The following DLG2 variants were observed in gnomAD, a reference collection of about 807,000 sequenced individuals.
DLG2 encodes discs large MAGUK scaffold protein 2, also known as disks large homolog 2.
Under a neutral mutation model 132.5 loss-of-function variants are expected in DLG2, and 45 were observed. That is an observed-to-expected ratio of 0.34 (90% confidence interval 0.27 to 0.44). The LOEUF is 0.44. Ranked by LOEUF, DLG2 falls within the 20% of genes least tolerant of loss-of-function variation. DLG2 has a pLI of 1.00. For missense variants in DLG2, 1,045 were observed against 1,196.9 expected, an observed-to-expected ratio of 0.87 and a Z score of 1.87; for synonymous variants, 424 against 419.6, an observed-to-expected ratio of 1.01 and a Z score of -0.13.
chr11:84,341,922 G>A (rs1446593964), intron 7 of DLG2, among the ~76,000 whole-genome samples: 5 of 152,160 alleles, frequency 3.3e-5, no homozygotes, highest in Non-Finnish European at 5.9e-5. Context: ...AACTCTGAAG[G>A]AATAACAATT....
intron 4 of DLG2, among the ~76,000 whole-genome samples, chr11:85,159,351 A>G (rs1026081484): frequency 4.6e-5 from 7 of 152,228 alleles, no homozygotes; most frequent in African/African-American, 1.7e-4. Context: ...GAACCTCCAC[A>G]TTGGCTCCAT....
At chr11:84,563,402 C>A (rs918062496) in intron 6 of DLG2, among the ~76,000 whole-genome samples, 1 of 152,148 alleles carries the variant, frequency 6.6e-6, no homozygotes, top group Non-Finnish European at 1.5e-5. Context: ...ATTTTTGAGG[C>A]CTCCTTCTAA....
chr11:85,354,123 G>A (rs1313308886), intron 3 of DLG2, among the ~76,000 whole-genome samples: 4 of 150,944 alleles, frequency 2.6e-5, no homozygotes, highest in South Asian at 2.1e-4. Flanking sequence ...CTCATCTTTC[G>A]TGCCCCACTA....
At chr11:85,114,668 C>A (rs753773892) in intron 5 of DLG2, among the ~76,000 whole-genome samples, 2 of 151,970 alleles carry the variant, frequency 1.3e-5, no homozygotes, top group African/African-American at 2.4e-5. Flanking sequence ...AGAATCTTGA[C>A]ATATTTCATT....
chr11:83,960,369 T>C (rs2088279292), intron 14 of DLG2, among the ~76,000 whole-genome samples: 1 of 152,118 alleles, frequency 6.6e-6, no homozygotes, highest in East Asian at 1.9e-4. Context: ...TGCTTGCTTC[T>C]GTTAGTAATT....
chr11:85,470,208 C>G (rs1287704360), intron 3 of DLG2, among the ~76,000 whole-genome samples: 1 of 146,644 alleles, frequency 6.8e-6, no homozygotes, highest in Non-Finnish European at 1.5e-5. Context: ...AATTAATCTA[C>G]TTGGTTTTTT....
chr11:84,543,496 ATGTT>A (rs2099383269), intron 6 of DLG2, among the ~76,000 whole-genome samples: 1 of 151,974 alleles, frequency 6.6e-6, no homozygotes, highest in African/African-American at 2.4e-5. Flanking sequence ...GATTCGCTGG[ATGTT>A]TGTCTCCTCC....
chr11:84,409,255 A>T (rs1231805713), intron 7 of DLG2, among the ~76,000 whole-genome samples: 2 of 152,182 alleles, frequency 1.3e-5, no homozygotes, highest in African/African-American at 2.4e-5. Context: ...AATTAGGATG[A>T]ATCACATGCA....
intron 7 of DLG2, among the ~76,000 whole-genome samples, chr11:84,517,233 T>A (rs1191192560): frequency 6.6e-6 from 1 of 151,194 alleles, no homozygotes; most frequent in Non-Finnish European, 1.5e-5. Flanking sequence ...TGAGAGAAAA[T>A]ATTTTCAAAC....
intron 9 of DLG2, among the ~76,000 whole-genome samples, chr11:84,119,542 T>C (rs1201274761): frequency 1.3e-5 from 2 of 151,932 alleles, no homozygotes; most frequent in African/African-American, 4.8e-5. Context: ...ACTTGTACAG[T>C]AAATAAGGGT....
At chr11:83,887,989 T>C (rs1009467830) in intron 15 of DLG2, among the ~76,000 whole-genome samples, 3 of 138,906 alleles carry the variant, frequency 2.2e-5, no homozygotes, top group Admixed American at 7.1e-5. Context: ...CCACAGCCAA[T>C]ATCATACTGA....
chr11:84,364,565 G>T (rs1008291537), intron 7 of DLG2, among the ~76,000 whole-genome samples: 2 of 152,178 alleles, frequency 1.3e-5, no homozygotes, highest in Admixed American at 1.3e-4. Context: ...GGAGTGGTGA[G>T]AGAGGACATC....
At chr11:84,866,398 G>A (rs1223942282) in intron 6 of DLG2, among the ~76,000 whole-genome samples, 1 of 152,194 alleles carries the variant, frequency 6.6e-6, no homozygotes, top group Admixed American at 6.5e-5. Context: ...CTTGTAGTAA[G>A]ATTTCACTTG....
At chr11:83,706,538 A>T (rs2084038737) in intron 18 of DLG2, among the ~76,000 whole-genome samples, 1 of 152,210 alleles carries the variant, frequency 6.6e-6, no homozygotes, top group Non-Finnish European at 1.5e-5. Context: ...GCAGTAATAT[A>T]TGCAGAGGCT....
At chr11:84,760,398 G>A (rs1345833174) in intron 6 of DLG2, among the ~76,000 whole-genome samples, 1 of 152,214 alleles carries the variant, frequency 6.6e-6, no homozygotes, top group African/African-American at 2.4e-5. Context: ...TAACCATTTA[G>A]TAAATTGGCT....
At chr11:84,818,700 T>C (rs1199276454) in intron 6 of DLG2, among the ~76,000 whole-genome samples, 2 of 151,910 alleles carry the variant, frequency 1.3e-5, no homozygotes, top group Non-Finnish European at 2.9e-5. Flanking sequence ...AAATTAGGTC[T>C]ATCTCTAGAG....
At chr11:84,486,161 T>C (rs1243193781) in intron 7 of DLG2, among the ~76,000 whole-genome samples, 6 of 152,136 alleles carry the variant, frequency 3.9e-5, no homozygotes, top group Non-Finnish European at 7.4e-5. Flanking sequence ...ATTGTCTTTG[T>C]CATGCCTTCC....
chr11:84,897,015 C>T (rs1590854304), intron 6 of DLG2, among the ~76,000 whole-genome samples: 1 of 151,876 alleles, frequency 6.6e-6, no homozygotes, highest in South Asian at 2.1e-4. Flanking sequence ...ACCAACCAAC[C>T]AGCTTAAGAA....
At chr11:84,025,693 A>C (rs911087596) in intron 11 of DLG2, among the ~76,000 whole-genome samples, 1 of 152,062 alleles carries the variant, frequency 6.6e-6, no homozygotes, top group Non-Finnish European at 1.5e-5. Context: ...AAAATAACAA[A>C]CACCATATTT....
Sources: gnomAD v4.1 joint callset for allele counts (sites outside exome capture counted in the v4.1 genomes callset) on GRCh38, gnomAD v4.1.1 for gene constraint, MANE v1.5 for transcripts, NCBI Gene and HGNC (gene_info 2026-07-23, HGNC 2026-07-21) for gene names.